PDE5A: variants seen among roughly 807,000 people sequenced by gnomAD.
PDE5A encodes the protein phosphodiesterase 5A.
A neutral mutation model predicts 110.2 loss-of-function variants in PDE5A; 67 were observed. That is an observed-to-expected ratio of 0.61 (90% CI 0.50 to 0.75). The LOEUF is 0.75. Ranked by LOEUF, PDE5A falls within the 30% of genes least tolerant of loss-of-function variation. The probability of loss-of-function intolerance (pLI) is 0.00; values close to 1 mark genes in which losing one functional copy is unlikely to be tolerated. For synonymous variants in PDE5A, 328 were observed against 351.2 expected, an observed-to-expected ratio of 0.93 and a Z score of 0.74; for missense variants, 862 against 1,045.1, an observed-to-expected ratio of 0.82 and a Z score of 2.42.
Position 119,627,362 on chromosome 4 carries a change from G to A in PDE5A, c.152+1158C>T, listed in dbSNP as rs1730393000. ...GCCCCGCGCTGCGCCGCCCCCTGGC[G>A]GGGAGCGACCGGCAGAGCCGCGGCC... On this transcript the variant is annotated intron_variant, in intron 1 of 20. Transcript: ENST00000354960. This position sits in a 1 kb window ranked among gnomAD's most constrained non-coding sequence, Gnocchi z 4.6. 3.0e-6 allele frequency: 3 copies of A among 992,884 alleles called. No homozygotes were observed. The highest frequency in any genetic ancestry group is 3.6e-6 in the Non-Finnish European group (3 of 828,164). 61.5% of individuals were successfully genotyped at this position (992,884 alleles called of 1,614,324 possible).
intron 10 of PDE5A, among the ~76,000 whole-genome samples, chr4:119,540,502 A>G (rs1231592986): frequency 1.3e-5 from 2 of 152,182 alleles, no homozygotes. Context: ...GTGGTTCCCA[A>G]GAAAAGCTAA....
At chr4:119,563,397 T>C (rs1218879853) in intron 5 of PDE5A, among the ~76,000 whole-genome samples, 3 of 152,224 alleles carry the variant, frequency 2.0e-5, no homozygotes, top group Non-Finnish European at 4.4e-5. Context: ...ACATTATCAA[T>C]ATTTTTACAG....
rs1230478717 is a variant in PDE5A, at chr4:119,519,115, G to T, written c.1930C>A (p.Leu644Ile). 1 of 1,613,718 alleles carries T rather than the reference G, an allele frequency of 6.2e-7. No individual in the cohort carries two copies. The highest frequency in any genetic ancestry group is 8.5e-7 in the Non-Finnish European group (1 of 1,179,650). ...IQNKLTDLEI[L>I]ALLIAALSHD... ...CTTAGTGCAGCAATCAGCAATGCAA[G>T]TATCTCCAGGTCAGTCAGCTTGTTC... The change falls in exon 14 of 21, where the codon CTT becomes ATT. Residue 644 changes from leucine to isoleucine, a missense_variant. Coordinates refer to ENST00000354960, the MANE Select transcript of PDE5A (RefSeq NM_001083.4).
chr4:119,604,972 C>T (rs1350800446), intron 2 of PDE5A, among the ~76,000 whole-genome samples: 3 of 152,164 alleles, frequency 2.0e-5, no homozygotes, highest in African/African-American at 7.2e-5. Flanking sequence ...CTTCCTCATA[C>T]TTACTTAGAC....
intron 1 of PDE5A, among the ~76,000 whole-genome samples, chr4:119,624,931 G>A (rs538533958): frequency 6.6e-6 from 1 of 151,904 alleles, no homozygotes; most frequent in African/African-American, 2.4e-5. Context: ...TATGCCAACC[G>A]ACTATGTTCT....
chr4:119,531,785 GAGGTA>G (rs1452465508), intron 11 of PDE5A, among the ~76,000 whole-genome samples: 2 of 151,964 alleles, frequency 1.3e-5, no homozygotes, highest in Non-Finnish European at 2.9e-5. Context: ...CTGATTCTGT[GAGGTA>G]AATTCTTTTA....
chr4:119,506,591 A>G (rs995279167), intron 16 of PDE5A, among the ~76,000 whole-genome samples: 6 of 151,856 alleles, frequency 4.0e-5, no homozygotes, highest in African/African-American at 1.2e-4. Context: ...TAAAAAATGA[A>G]AAGTATGTTT....
rs1226147447 is a variant in PDE5A, at chr4:119,511,145, TTTG to T, written c.2001-14_2001-12del. ...AGTGGATGTTCACTTCTGAAAGTAT[TTTG>T]TTGAAGAAAGGAAAAAAGATCAGTT... is the stretch of plus-strand genomic sequence containing the variant. On this transcript the variant is annotated splice_polypyrimidine_tract_variant and intron_variant, in intron 14 of 20. Transcript: ENST00000354960. 6.3e-7 allele frequency: 1 copy of T among 1,577,310 alleles called. No individual in the cohort carries two copies. The highest frequency in any genetic ancestry group is 8.7e-7 in the Non-Finnish European group (1 of 1,148,526).
At chr4:119,548,312 T>G (rs1425400945) in intron 9 of PDE5A, 2 of 151,962 alleles carry the variant, frequency 1.3e-5, no homozygotes, top group Non-Finnish European at 2.9e-5. Flanking sequence ...CCTCCCAAAG[T>G]GCTGGGATTA....
chr4:119,562,692 C>G, intron 6 of PDE5A, 141 bp downstream of exon 6: 1 of 559,594 alleles, frequency 1.8e-6, no homozygotes, highest in Non-Finnish European at 3.0e-6. Flanking sequence ...CAGCTCATAC[C>G]CTGATTAGTT....
At position 119,545,736 on chromosome 4, in the gene PDE5A, C is replaced by A. The variant is rs1394204796; in HGVS notation, c.1397-3102G>T. On this transcript the variant is annotated intron_variant, in intron 9 of 20. Coordinates refer to ENST00000354960, the MANE Select transcript of PDE5A (RefSeq NM_001083.4). ...TCTTGGGATCGGATGTTGTTACCAA[C>A]CACAGTCTTCCTCCTGGCTCTTTGG... Among the ~76,000 whole-genome samples the A allele has an allele frequency of 2.0e-5, 3 of 152,150 alleles. No homozygotes were observed. In the South Asian group the frequency reaches 6.2e-4, roughly 32 times the overall value.
chr4:119,520,356 T>C (rs1230072526), intron 13 of PDE5A, among the ~76,000 whole-genome samples: 1 of 152,080 alleles, frequency 6.6e-6, no homozygotes, highest in African/African-American at 2.4e-5. Context: ...AGGACAGAGA[T>C]ATGGATAAAA....
intron 9 of PDE5A, among the ~76,000 whole-genome samples, chr4:119,550,813 TAAC>T (rs900872350): frequency 1.3e-5 from 2 of 152,228 alleles, no homozygotes; most frequent in Non-Finnish European, 2.9e-5. Flanking sequence ...TTAAACAGCA[TAAC>T]ATTTATAATA....
At chr4:119,506,258 G>A (rs1468447072) in intron 16 of PDE5A, among the ~76,000 whole-genome samples, 1 of 151,714 alleles carries the variant, frequency 6.6e-6, no homozygotes, top group South Asian at 2.1e-4. Context: ...ATGATTTCAG[G>A]TATTTTAAGT....
intron 9 of PDE5A, chr4:119,543,233 ATAAAAGT>A (rs1727010157): frequency 6.6e-6 from 1 of 152,166 alleles, no homozygotes; most frequent in African/African-American, 2.4e-5. Flanking sequence ...CTACTTAGAA[ATAAAAGT>A]TAAACACGTA....
chr4:119,626,806 T>G, intron 1 of PDE5A, among the ~76,000 whole-genome samples: 1 of 152,140 alleles, frequency 6.6e-6, no homozygotes, highest in South Asian at 2.1e-4. Context: ...GAAGACGATT[T>G]TAAAAGAAGG....
At chr4:119,617,689 T>C (rs1729988657) in intron 1 of PDE5A, among the ~76,000 whole-genome samples, 1 of 152,174 alleles carries the variant, frequency 6.6e-6, no homozygotes, top group Non-Finnish European at 1.5e-5. Flanking sequence ...TGAAACCTAC[T>C]CGTAGAGCAA....
At chr4:119,610,014 A>C (rs1005660946) in intron 1 of PDE5A, among the ~76,000 whole-genome samples, 1 of 152,248 alleles carries the variant, frequency 6.6e-6, no homozygotes, top group Non-Finnish European at 1.5e-5. Flanking sequence ...AATTTGAAGA[A>C]GCACAAAAGC....
At chr4:119,500,114 G>GCAA (rs1444270323) in intron 20 of PDE5A, 1 of 152,076 alleles carries the variant, frequency 6.6e-6, no homozygotes, top group African/African-American at 2.4e-5. Context: ...AATAAGGAAA[G>GCAA]CAACTGTTAT....
Sources: gnomAD v4.1 joint callset for allele counts (sites outside exome capture counted in the v4.1 genomes callset) on GRCh38, gnomAD v4.1.1 for gene constraint, Gnocchi (gnomAD v3.1) non-coding constraint, MANE v1.5 for transcripts, NCBI Gene and HGNC (gene_info 2026-07-23, HGNC 2026-07-21) for gene names.